TLE2: variants seen among roughly 807,000 people sequenced by gnomAD.
The protein encoded by TLE2 is TLE family member 2, transcriptional corepressor, also known as transducin-like enhancer protein 2.
In TLE2, 74 loss-of-function variants were observed where a neutral mutation model predicts 97.2. The observed-to-expected ratio is 0.76, with a 90% CI of 0.63 to 0.92. The LOEUF is 0.92. Among genes scored for constraint, TLE2 ranks in the 40% least tolerant of loss-of-function variants. TLE2 has a pLI of 0.00. For missense variants in TLE2, 1,038 were observed against 1,008.7 expected, an observed-to-expected ratio of 1.03 and a Z score of -0.39; for synonymous variants, 499 against 432.1, an observed-to-expected ratio of 1.15 and a Z score of -1.92.
upstream of TLE2, among the ~76,000 whole-genome samples, chr19:3,033,915 A>G (rs1477639224): frequency 6.6e-6 from 1 of 151,660 alleles, no homozygotes; most frequent in Non-Finnish European, 1.5e-5. Context: ...TTGAATGTCA[A>G]CTTGACTCAC....
chr19:3,013,523 TAAA>T (rs3834644), intron 11 of TLE2, 143 bp downstream of exon 11: 5 of 684,046 alleles, frequency 7.3e-6, no homozygotes, highest in Non-Finnish European at 1.0e-5. Context: ...GCAGGAGGTT[TAAA>T]AAAAAAAGCA....
In TLE2 at chr19:3,019,409, G is replaced by A; in HGVS notation, c.424C>T (p.Pro142Ser). Reference sequence around the variant, plus strand: ...GCACTGCCGCCCACCAGCCCGGCTGGGCGGGGGGTGAGGGGCACAGGGGGT... The same window carrying A: ...GCACTGCCGCCCACCAGCCCGGCTGAGCGGGGGGTGAGGGGCACAGGGGGT... ...HAPPVPLTPR[P>S]AGLVGGSATG... Residue 142 changes from proline (P) to serine (S), a missense_variant, in exon 7 of 20, where the codon CCA becomes TCA. Physicochemically the swap from Pro to Ser is moderately conservative, Grantham distance 74. Transcript: ENST00000262953. The surrounding 1 kb of genome is among the most constrained non-coding windows in gnomAD (Gnocchi z 5.1). 15 of 1,539,006 alleles carry A rather than the reference G, an allele frequency of 9.7e-6. No individual in the cohort carries two copies. The highest frequency in any genetic ancestry group is 1.3e-5 in the Non-Finnish European group (15 of 1,147,910).
chr19:3,008,899 G>T lies in TLE2; in HGVS notation c.1220C>A (p.Ser407Tyr). ...TCCCCCAGGGATGCTGGGTAGGGAG[G>T]AAGAGACGGATGACCCTCGGAGATG... is the stretch of plus-strand genomic sequence containing the variant. Reference protein sequence around the residue: ...HPHLRGSSVSSSLPSIPGGKP... With the variant: ...HPHLRGSSVSYSLPSIPGGKP... The change falls in exon 14 of 20, where the codon TCC (serine) becomes TAC (tyrosine). Residue 407 changes from serine to tyrosine, a missense_variant. Transcript: ENST00000262953. 1 of 1,594,950 alleles carries T rather than the reference G, an allele frequency of 6.3e-7. No homozygotes were observed. Among genetic ancestry groups the T allele is most frequent in the Non-Finnish European group, 8.5e-7 (1 of 1,170,910 alleles).
intron 8 of TLE2, chr19:3,016,003 C>T (rs1226507561): frequency 1.7e-6 from 1 of 600,440 alleles, no homozygotes; most frequent in African/African-American, 1.8e-5. Flanking sequence ...GTGGAGCCAT[C>T]TCGGCCCACT....
rs367707091 is a variant in TLE2, at chr19:3,006,482, C to A, written c.1438G>T (p.Val480Leu). 8 of 1,610,862 alleles carry A rather than the reference C, an allele frequency of 5.0e-6. No individual in the cohort carries two copies. Among genetic ancestry groups the A allele is most frequent in the African/African-American group, 1.3e-5 (1 of 74,876 alleles). ...QHVYTGGKGC[V>L]KVWDVGQPGA... is the part of the protein sequence containing the mutation. ...GGCTGGCCCACGTCCCACACCTTCA[C>A]ACAGCCCTTGCCGCCCGTGTACACA... The change falls in exon 15 of 20, where the codon GTG becomes TTG. Residue 480 changes from valine (V) to leucine (L), a missense_variant. Physicochemically the swap from Val to Leu is conservative, Grantham distance 32. Coordinates refer to ENST00000262953, the MANE Select transcript of TLE2 (RefSeq NM_003260.5).
chr19:3,042,015 C>T (rs1324766419), intron 1 of TLE2, among the ~76,000 whole-genome samples: 2 of 151,846 alleles, frequency 1.3e-5, no homozygotes, highest in African/African-American at 2.4e-5. Flanking sequence ...CCATTAGCCA[C>T]GCGGGCCCGG....
At chr19:3,020,046 G>C (rs2089805120) in intron 5 of TLE2, 1 of 469,080 alleles carries the variant, frequency 2.1e-6, no homozygotes, top group East Asian at 4.0e-5. Flanking sequence ...GCTTTGGAAG[G>C]CTGAGGTGGG....
intron 11 of TLE2, among the ~76,000 whole-genome samples, chr19:3,011,711 G>A (rs1203111407): frequency 1.3e-5 from 2 of 151,704 alleles, no homozygotes; most frequent in African/African-American, 4.8e-5. Context: ...TTAGCTGGAC[G>A]TGGTGGCGCA....
chr19:3,006,292 C>A, intron 15 of TLE2, 128 bp downstream of exon 15: 1 of 1,407,896 alleles, frequency 7.1e-7, no homozygotes, highest in Non-Finnish European at 9.7e-7. Context: ...CGAGCTCCGC[C>A]CCTCACCTAT....
chr19:3,041,184 G>A (rs1381195794), intron 1 of TLE2, among the ~76,000 whole-genome samples: 3 of 150,432 alleles, frequency 2.0e-5, no homozygotes, highest in South Asian at 2.1e-4. Context: ...GTGCCACCAC[G>A]CCTGGCTAAT....
intron 19 of TLE2, 90 bp from the exon 20 acceptor site, chr19:2,998,045 G>C (rs1170025093): frequency 9.3e-6 from 8 of 860,796 alleles, no homozygotes; most frequent in East Asian, 2.6e-5. Context: ...AGTCAGGAAC[G>C]GGAGGTCAGG....
At chr19:3,015,537 T>C in intron 9 of TLE2, 116 bp downstream of exon 9, 2 of 758,848 alleles carry the variant, frequency 2.6e-6, no homozygotes. Flanking sequence ...TAGGGAGCTA[T>C]GGGAGGCTCC....
At chr19:3,025,664 A>G (rs915666775) in intron 4 of TLE2, 2 of 939,176 alleles carry the variant, frequency 2.1e-6, no homozygotes, top group Non-Finnish European at 1.3e-6. Flanking sequence ...GCAGACGAGA[A>G]GGCGTGTGGG....
upstream of TLE2, among the ~76,000 whole-genome samples, chr19:3,033,439 T>G (rs1448156011): frequency 6.6e-6 from 1 of 152,208 alleles, no homozygotes; most frequent in Non-Finnish European, 1.5e-5. Flanking sequence ...AGTGCTGGGA[T>G]TACAGGCGTG....
chr19:3,016,852 C>A (rs2089717843), intron 8 of TLE2, among the ~76,000 whole-genome samples: 1 of 152,048 alleles, frequency 6.6e-6, no homozygotes, highest in Middle Eastern at 3.4e-3. Context: ...AATCTCGGCT[C>A]ACTGCAACCT....
chr19:3,002,493 AG>A lies in TLE2; in HGVS notation c.1906del (p.Leu636TrpfsTer42). ...QHDFSSQIFS[L>X]GHCPNQDWLA... The stretch of plus-strand genomic sequence containing the variant: ...CCAGTCCTGGTTAGGGCAGTGGCCC[AG>A]GGAGAAAATCTGGGGGTAAAGAGGG... On this transcript the variant is annotated frameshift_variant, in exon 18 of 20. Transcript: ENST00000262953. LOFTEE classifies it high-confidence loss of function. 1 of 1,575,118 alleles carries A rather than the reference AG, an allele frequency of 6.3e-7. No homozygotes were observed. The highest frequency in any genetic ancestry group is 1.4e-5 in the African/African-American group (1 of 73,992).
At chr19:3,015,859 A>AG in intron 8 of TLE2, 99 bp from the exon 9 acceptor site, 1 of 893,070 alleles carries the variant, frequency 1.1e-6, no homozygotes, top group Non-Finnish European at 1.8e-6. Context: ...CACCATTATT[A>AG]GGGTCCGGAC....
rs567932052 is a variant in TLE2 at position 3,021,298 on chromosome 19, G to A, written c.295-1525C>T. ...CATGCACCTGTAATCCCAGCTACTC[G>A]GGAGGCTGGGGCAGGAGAAACACTT... On this transcript the variant is annotated intron_variant, in intron 5 of 19. Transcript: ENST00000262953. Among the ~76,000 whole-genome samples the A allele has an allele frequency of 5.9e-5, 9 of 151,430 alleles. No individual in the cohort carries two copies. The East Asian group carries it at 7.9e-4, about 13-fold the overall frequency.
In TLE2 at chr19:3,006,540, G is replaced by T; in HGVS notation, c.1380C>A (p.Val460=). The change falls in exon 15 of 20, where the codon GTC becomes GTA. Residue 460 remains valine (V), a synonymous_variant. Transcript: ENST00000262953. ...TGGAGCCGCTGATGGTGACCGCGCA[G>T]ACCACCTCGCCATGGGCCAGCGTGT... ...QLHTLAHGEV[V]CAVTISGSTQ... is the part of the protein sequence containing the mutation. The T allele has an allele frequency of 6.2e-7, 1 of 1,606,410 alleles. No individual in the cohort carries two copies. Among genetic ancestry groups the T allele is most frequent in the Non-Finnish European group, 8.5e-7 (1 of 1,177,402 alleles).
Sources: gnomAD v4.1 joint callset for allele counts (sites outside exome capture counted in the v4.1 genomes callset) on GRCh38, gnomAD v4.1.1 for gene constraint, Gnocchi (gnomAD v3.1) non-coding constraint, MANE v1.5 for transcripts, NCBI Gene and HGNC (gene_info 2026-07-23, HGNC 2026-07-21) for gene names.